The following RAP1GAP variants were observed in gnomAD, a reference collection of about 807,000 sequenced individuals.
The protein encoded by RAP1GAP is RAP1 GTPase activating protein.
RAP1GAP carries 35 observed loss-of-function variants against 87.2 expected under a neutral mutation model. That is an observed-to-expected ratio of 0.40 (90% CI 0.31 to 0.53). The LOEUF (loss-of-function observed/expected upper bound fraction) is 0.53. Among genes scored for constraint, RAP1GAP ranks in the 20% least tolerant of loss-of-function variants. The probability of loss-of-function intolerance (pLI) is 0.48; values close to 1 mark genes in which losing one functional copy is unlikely to be tolerated. For missense variants in RAP1GAP, 734 were observed against 898.9 expected (o/e 0.82, Z 2.35); for synonymous variants, 375 against 363.9 (o/e 1.03, Z -0.35).
At position 21,635,497 on chromosome 1, in the gene RAP1GAP, C is replaced by T. The variant is rs377351047; in HGVS notation, c.-112-9100G>A. On this transcript the variant is annotated intron_variant, in intron 2 of 24. Transcript: ENST00000374765. ...GTGGGGTGAACCAGGCCTCCCCAGT[C>T]CCAAAGCAGAGCCCCAAAGATACCT... Among the ~76,000 whole-genome samples, 3 of 152,186 alleles carry T rather than the reference C, an allele frequency of 2.0e-5. No individual in the cohort carries two copies. In the East Asian group the frequency reaches 5.8e-4, roughly 29 times the overall value.
intron 6 of RAP1GAP, 36 bp downstream of exon 6, chr1:21,617,898 T>C: frequency 6.2e-7 from 1 of 1,614,040 alleles, no homozygotes; most frequent in Non-Finnish European, 8.5e-7. Context: ...CCTCCTGGGC[T>C]TGAGTAAGGG....
chr1:21,618,538 T>C (rs1182220835), intron 5 of RAP1GAP, among the ~76,000 whole-genome samples: 2 of 152,094 alleles, frequency 1.3e-5, no homozygotes, highest in Non-Finnish European at 2.9e-5. Flanking sequence ...TCCTCACCAG[T>C]GGCTGGGGGG....
chr1:21,661,235 G>C (rs1347146359), intron 1 of RAP1GAP, among the ~76,000 whole-genome samples: 1 of 146,546 alleles, frequency 6.8e-6, no homozygotes, highest in Non-Finnish European at 1.5e-5. Flanking sequence ...CTGGGCAACA[G>C]AGCAAGACTC....
rs1349546202 is a variant in RAP1GAP, at chr1:21,599,939, T to C, written c.1653-322A>G. ...ACAGCAGCGGTTAGCGACACTAACATCATCGGGTGCACGTTCACTCTGCAC... is the reference window on the plus strand; with the variant it reads ...ACAGCAGCGGTTAGCGACACTAACACCATCGGGTGCACGTTCACTCTGCAC... On this transcript the variant is annotated intron_variant, in intron 20 of 24. Transcript: ENST00000374765. Among the ~76,000 whole-genome samples the C allele has an allele frequency of 2.0e-5, 3 of 152,220 alleles. No individual in the cohort carries two copies. The East Asian group carries it at 5.8e-4, about 29-fold the overall frequency.
At position 21,609,229 on chromosome 1, in the gene RAP1GAP, C is replaced by T. The variant is rs978023653; in HGVS notation, c.1072-293G>A. On this transcript the variant is annotated intron_variant, in intron 15 of 24. Transcript: ENST00000374765. The surrounding 1 kb of genome is among the most constrained non-coding windows in gnomAD (Gnocchi z 4.4). ...TGCTTCAGTCTAGGGTAGCAGAACACGCTACGTACAGAGCTGAAGCCCAGG... is the reference window on the plus strand; with the variant it reads ...TGCTTCAGTCTAGGGTAGCAGAACATGCTACGTACAGAGCTGAAGCCCAGG... 1.3e-5 allele frequency among the ~76,000 whole-genome samples: 2 copies of T among 152,146 alleles called. No individual in the cohort carries two copies. Among genetic ancestry groups the T allele is most frequent in the Non-Finnish European group, 1.5e-5 (1 of 68,030 alleles).
chr1:21,606,282 T>C, intron 17 of RAP1GAP, 85 bp from the exon 18 acceptor site: 1 of 1,503,358 alleles, frequency 6.7e-7, no homozygotes, highest in African/African-American at 1.4e-5. Flanking sequence ...GCATCTGGTC[T>C]CTCCCCAGCA....
At chr1:21,652,316 T>G (rs1283128567) in intron 1 of RAP1GAP, among the ~76,000 whole-genome samples, 1 of 152,190 alleles carries the variant, frequency 6.6e-6, no homozygotes, top group Non-Finnish European at 1.5e-5. Flanking sequence ...GTGGGATTCC[T>G]CCCGCCGGCC....
Position 21,634,378 on chromosome 1 carries a change from T to A in RAP1GAP, c.-112-7981A>T, listed in dbSNP as rs1163718982. On this transcript the variant is annotated intron_variant, in intron 2 of 24. Coordinates refer to ENST00000374765, the MANE Select transcript of RAP1GAP (RefSeq NM_002885.4). This position sits in a 1 kb window ranked among gnomAD's most constrained non-coding sequence, Gnocchi z 4.1. The stretch of plus-strand genomic sequence containing the variant: ...GGGGGACTATTTGCCATGCGGGCAC[T>A]GTGATGTCATTCAATCCTTATGACA... Among the ~76,000 whole-genome samples, 2 of 152,216 alleles carry A rather than the reference T, an allele frequency of 1.3e-5. No individual in the cohort carries two copies. Among genetic ancestry groups the A allele is most frequent in the Non-Finnish European group, 2.9e-5 (2 of 68,022 alleles).
At chr1:21,666,867 C>T (rs1271368532) in intron 1 of RAP1GAP, among the ~76,000 whole-genome samples, 2 of 152,138 alleles carry the variant, frequency 1.3e-5, no homozygotes, top group Admixed American at 6.5e-5. Flanking sequence ...CGACAGAAGA[C>T]GAGGGCTTCT....
chr1:21,640,731 C>T (rs2095441568), intron 2 of RAP1GAP, among the ~76,000 whole-genome samples: 1 of 152,174 alleles, frequency 6.6e-6, no homozygotes, highest in South Asian at 2.1e-4. Context: ...CAGGTGGGCT[C>T]CAGGCTGGAG....
chr1:21,620,645 G>A (rs939634210), intron 3 of RAP1GAP, among the ~76,000 whole-genome samples: 7 of 152,138 alleles, frequency 4.6e-5, no homozygotes, highest in Non-Finnish European at 8.8e-5. Context: ...TGCCAGCTGC[G>A]CTTGGCAGCC....
chr1:21,653,325 G>A (rs1470621964), intron 1 of RAP1GAP: 2 of 152,256 alleles, frequency 1.3e-5, no homozygotes, highest in Non-Finnish European at 2.9e-5. Context: ...TCAGAGCCTG[G>A]ACAGGGCAAA....
intron 20 of RAP1GAP, among the ~76,000 whole-genome samples, 191 bp downstream of exon 20, chr1:21,601,493 C>T (rs780078016): frequency 3.7e-4 from 57 of 152,228 alleles, no homozygotes; most frequent in African/African-American, 4.8e-4. Flanking sequence ...CAGAGCCGGG[C>T]GCGGGGCTGG....
At chr1:21,621,790 T>C (rs1025216352) in intron 3 of RAP1GAP, among the ~76,000 whole-genome samples, 13 of 152,110 alleles carry the variant, frequency 8.5e-5, no homozygotes, top group African/African-American at 2.7e-4. Flanking sequence ...GACACCCCAC[T>C]CAGGGTGACC....
chr1:21,614,129 G>A (rs368810912), intron 7 of RAP1GAP, 40 bp from the exon 8 acceptor site: 2 of 1,401,254 alleles, frequency 1.4e-6, no homozygotes, highest in Non-Finnish European at 2.0e-6. Flanking sequence ...GGGTGAGGCT[G>A]AGCATGGGGC....
chr1:21,624,761 A>G (rs2091079543), intron 3 of RAP1GAP, among the ~76,000 whole-genome samples: 1 of 152,176 alleles, frequency 6.6e-6, no homozygotes, highest in African/African-American at 2.4e-5. Context: ...GAAGCCAGGA[A>G]GCCCGAGGGG....
intron 1 of RAP1GAP, among the ~76,000 whole-genome samples, chr1:21,655,570 C>T (rs1171210766): frequency 6.6e-6 from 1 of 152,280 alleles, no homozygotes; most frequent in Non-Finnish European, 1.5e-5. Context: ...TGGGAAGTCA[C>T]TGCCATCGTT....
chr1:21,608,909 T>G lies in RAP1GAP; in HGVS notation c.1099A>C (p.Thr367Pro). The G allele has an allele frequency of 1.2e-6, 2 of 1,614,112 alleles. No homozygotes were observed. Among genetic ancestry groups the G allele is most frequent in the Non-Finnish European group, 1.7e-6 (2 of 1,179,954 alleles). Reference sequence around the variant, plus strand: ...GCATATTCAGCATTGATCAGCTTTGTCAGCAAAAATTCCTGGAACTCAGGC... The same window carrying G: ...GCATATTCAGCATTGATCAGCTTTGGCAGCAAAAATTCCTGGAACTCAGGC... ...KGPEFQEFLLTKLINAEYACY... is the reference protein window; with the variant it reads ...KGPEFQEFLLPKLINAEYACY... Residue 367 changes from threonine (T) to proline (P), a missense_variant, in exon 16 of 25, where the codon ACA (threonine) becomes CCA (proline). Around this residue, in one of 2 missense-constraint regions of RAP1GAP, gnomAD observed 485 missense variants for 646.2 expected, o/e 0.75. Coordinates refer to ENST00000374765, the MANE Select transcript of RAP1GAP (RefSeq NM_002885.4).
chr1:21,660,755 A>G (rs2097125506), intron 1 of RAP1GAP, among the ~76,000 whole-genome samples: 1 of 152,216 alleles, frequency 6.6e-6, no homozygotes. Flanking sequence ...CAGACACCTT[A>G]GCATGGTGCC....
Sources: gnomAD v4.1 joint callset for allele counts (sites outside exome capture counted in the v4.1 genomes callset) on GRCh38, gnomAD v4.1.1 for gene constraint, gnomAD v4.1.1 regional missense constraint, Gnocchi (gnomAD v3.1) non-coding constraint, MANE v1.5 for transcripts, NCBI Gene and HGNC (gene_info 2026-07-23, HGNC 2026-07-21) for gene names.